The following ZP2 variants were observed in gnomAD, a reference collection of about 807,000 sequenced individuals.
ZP2 encodes zona pellucida glycoprotein 2, also known as zona pellucida sperm-binding protein 2.
ZP2 carries 51 observed loss-of-function variants against 84.0 expected under a neutral mutation model. The ratio of observed to expected loss-of-function variants is 0.61; its 90% CI spans 0.49 to 0.77. ZP2 has a LOEUF of 0.77. Among genes scored for constraint, ZP2 ranks in the 30% least tolerant of loss-of-function variants. The pLI is 0.00. For missense variants in ZP2, 909 were observed against 911.9 expected (o/e 1.00, Z 0.04); for synonymous variants, 375 against 330.9 (o/e 1.13, Z -1.45).
chr16:21,205,778 G>A lies in ZP2; in HGVS notation c.484-3C>T, dbSNP rs1055206280. On this transcript the variant is annotated splice_polypyrimidine_tract_variant and splice_region_variant and intron_variant, in intron 5 of 18. Transcript: ENST00000574091. ...GAGAAGACCCGTGGCAAGGAAAACT[G>A]GAAGAAAAGAATTGTGATGTAAGAC... is the stretch of plus-strand genomic sequence containing the variant. 1.7e-5 allele frequency: 27 copies of A among 1,613,758 alleles called. No individual in the cohort carries two copies. Among genetic ancestry groups the A allele is most frequent in the Non-Finnish European group, 2.3e-5 (27 of 1,179,894 alleles).
At chr16:21,214,301 G>C (rs79828148), upstream of ZP2, 3,299 of 985,236 alleles carry the variant, frequency 3.3e-3, 12 homozygotes, top group Non-Finnish European at 3.8e-3. Context: ...CCATGTCTAG[G>C]ATTCTGCTCC....
In ZP2 at chr16:21,204,214, A is replaced by G; in HGVS notation, c.791-3T>C. On this transcript the variant is annotated splice_polypyrimidine_tract_variant and splice_region_variant and intron_variant, in intron 8 of 18. Transcript: ENST00000574091. ...TGTGGCATTGCAGGTCACAGGATCT[A>G]GAAGGAATGACAACAGAATGCCCAT... 6 of 1,614,144 alleles carry G rather than the reference A, an allele frequency of 3.7e-6. No individual in the cohort carries two copies. The highest frequency in any genetic ancestry group is 1.6e-4 in the Middle Eastern group (1 of 6,062).
chr16:21,205,634 C>G, intron 6 of ZP2, 50 bp from the exon 7 acceptor site: 1 of 1,612,434 alleles, frequency 6.2e-7, no homozygotes, highest in Non-Finnish European at 8.5e-7. Flanking sequence ...TTAACCAAGT[C>G]TCTGGTAGTC....
At position 21,201,695 on chromosome 16, in the gene ZP2, C is replaced by T. The variant is rs1567212780; in HGVS notation, c.1504+11G>A. On this transcript the variant is annotated intron_variant, in intron 13 of 18. Coordinates refer to ENST00000574091, the MANE Select transcript of ZP2 (RefSeq NM_001376232.1). ...ATCATTTAAGCAATTTCACAGACTGCAATCTCTTACCTGGGTAGCTTTGCA... is the reference window on the plus strand; with the variant it reads ...ATCATTTAAGCAATTTCACAGACTGTAATCTCTTACCTGGGTAGCTTTGCA... 6.2e-7 allele frequency: 1 copy of T among 1,614,008 alleles called. No homozygotes were observed. The highest frequency in any genetic ancestry group is 1.7e-5 in the Admixed American group (1 of 60,014).
At position 21,201,590 on chromosome 16, in the gene ZP2, G is replaced by A. The variant is rs111288142; in HGVS notation, c.1505-32C>T. ...TTGAATGGTATTCAAGTAGTTAATG[G>A]CTGCAACACAGATTCATAGGTCATC... is the stretch of plus-strand genomic sequence containing the variant. On this transcript the variant is annotated intron_variant, in intron 13 of 18. Coordinates refer to ENST00000574091, the MANE Select transcript of ZP2 (RefSeq NM_001376232.1). 6.2e-6 allele frequency: 10 copies of A among 1,600,800 alleles called. No individual in the cohort carries two copies. In the Admixed American group the frequency reaches 1.2e-4, roughly 19 times the overall value.
At chr16:21,213,424 G>A (rs914031643), upstream of ZP2, among the ~76,000 whole-genome samples, 2 of 152,192 alleles carry the variant, frequency 1.3e-5, no homozygotes. Flanking sequence ...TGTTGCCTTT[G>A]AGGTGTAACC....
At position 21,211,469 on chromosome 16, in the gene ZP2, C is replaced by T; in HGVS notation, c.62+17G>A. 1 of 1,614,116 alleles carries T rather than the reference C, an allele frequency of 6.2e-7. No individual in the cohort carries two copies. The highest frequency in any genetic ancestry group is 8.5e-7 in the Non-Finnish European group (1 of 1,179,974). On this transcript the variant is annotated intron_variant, in intron 1 of 18. Transcript: ENST00000574091. Reference sequence around the variant, plus strand: ...AAAGCTACCATACCCCCTCCCTCCACTTCCAGAATTACTCACCTCCAGCCT... The same window carrying T: ...AAAGCTACCATACCCCCTCCCTCCATTTCCAGAATTACTCACCTCCAGCCT...
At chr16:21,206,617 C>T (rs562044816) in intron 5 of ZP2, among the ~76,000 whole-genome samples, 2 of 152,138 alleles carry the variant, frequency 1.3e-5, no homozygotes, top group South Asian at 4.2e-4. Context: ...ATGTATATAC[C>T]CTCAGTAAAT....
At chr16:21,209,943 T>C (rs2093266810) in intron 3 of ZP2, 166 bp downstream of exon 3, 1 of 704,560 alleles carries the variant, frequency 1.4e-6, no homozygotes, top group Non-Finnish European at 2.5e-6. Context: ...GACAGACAGG[T>C]CTTCCATGCT....
rs2093253534 is a variant in ZP2, at chr16:21,207,106, C to T, written c.331-116G>A. On this transcript the variant is annotated intron_variant, in intron 4 of 18. Coordinates refer to ENST00000574091, the MANE Select transcript of ZP2 (RefSeq NM_001376232.1). ...CTTAAAGTTACTAATACCACAAGTG[C>T]TGGAAGGTACCTCATTCCCGTACCA... 4.9e-6 allele frequency: 6 copies of T among 1,231,784 alleles called. No homozygotes were observed. In the South Asian group the frequency reaches 8.3e-5, roughly 17 times the overall value. The allele number at this position is 1,231,784 out of a possible 1,614,324, so 76.3% of individuals were successfully genotyped here. A position where few individuals can be genotyped will look rare whatever the true frequency, so the allele number is the denominator to read the frequency against.
At chr16:21,213,787 T>C (rs2093282818), upstream of ZP2, among the ~76,000 whole-genome samples, 1 of 152,200 alleles carries the variant, frequency 6.6e-6, no homozygotes, top group Non-Finnish European at 1.5e-5. Context: ...GATTTCATTT[T>C]ATAGCCAAAG....
At chr16:21,208,728 G>A (rs577971279) in intron 4 of ZP2, among the ~76,000 whole-genome samples, 1 of 152,292 alleles carries the variant, frequency 6.6e-6, no homozygotes, top group African/African-American at 2.4e-5. Context: ...CTATTTGCTA[G>A]CACCAAAATA....
At chr16:21,198,079 G>C in intron 17 of ZP2, 11 of 400,028 alleles carry the variant, frequency 2.7e-5, no homozygotes, top group East Asian at 4.7e-5. Context: ...TACTATACAA[G>C]AAATTCAAGA....
In ZP2 at chr16:21,201,915, T is replaced by C. The variant is rs761449879; in HGVS notation, c.1379+17A>G. ...TTTAAACTAGAGCTTAAGAGTCAAA[T>C]AGCAATTTTATCTCACCTGAACTCA... On this transcript the variant is annotated intron_variant, in intron 12 of 18. Transcript: ENST00000574091. 3.7e-6 allele frequency: 6 copies of C among 1,613,000 alleles called. No individual in the cohort carries two copies. Among genetic ancestry groups the C allele is most frequent in the Non-Finnish European group, 5.1e-6 (6 of 1,179,192 alleles).
upstream of ZP2, chr16:21,211,814 T>C: frequency 7.2e-7 from 1 of 1,392,732 alleles, no homozygotes; most frequent in Non-Finnish European, 9.4e-7. Flanking sequence ...GTGTTTTCCC[T>C]ATAACTATGG....
At chr16:21,199,706 C>T (rs748847353) in intron 15 of ZP2, 37 bp downstream of exon 15, 14 of 1,566,194 alleles carry the variant, frequency 8.9e-6, no homozygotes, top group Admixed American at 1.7e-5. Flanking sequence ...GATGCACTAA[C>T]ATTTAACCTG....
chr16:21,211,480 A>G lies in ZP2; in HGVS notation c.62+6T>C. On this transcript the variant is annotated splice_donor_region_variant and intron_variant, in intron 1 of 18. Transcript: ENST00000574091. Reference sequence around the variant, plus strand: ...ACCCCCTCCCTCCACTTCCAGAATTACTCACCTCCAGCCTGCATTGAACCA... The same window carrying G: ...ACCCCCTCCCTCCACTTCCAGAATTGCTCACCTCCAGCCTGCATTGAACCA... The G allele has an allele frequency of 1.2e-6, 2 of 1,613,822 alleles. No homozygotes were observed. Among genetic ancestry groups the G allele is most frequent in the South Asian group, 1.1e-5 (1 of 91,040 alleles).
chr16:21,206,868 T>G lies in ZP2; in HGVS notation c.453A>C (p.Ala151=). The change falls in exon 5 of 19, where the codon GCA becomes GCC. Residue 151 remains alanine, a synonymous_variant. Coordinates refer to ENST00000574091, the MANE Select transcript of ZP2 (RefSeq NM_001376232.1). ...TGAAATCCTTCTGGCAGATTGTAGA[T>G]GCTGAAAGCCCCTGGGTCTCTTCTA... The part of the protein sequence containing the change: ...MQVEETQGLS[A]STICQKDFMS... 6.2e-7 allele frequency: 1 copy of G among 1,614,194 alleles called. No homozygotes were observed. Among genetic ancestry groups the G allele is most frequent in the Non-Finnish European group, 8.5e-7 (1 of 1,180,020 alleles).
At position 21,201,418 on chromosome 16, in the gene ZP2, A is replaced by T; in HGVS notation, c.1645T>A (p.Ser549Thr). ...GGGAAAGAGTCTGGATCCATGGTGG[A>T]CGTCGCCCAGCAGTCATCTAAGACC... ...KLVLDDCWATSTMDPDSFPQW... is the reference protein window; with the variant it reads ...KLVLDDCWATTTMDPDSFPQW... The change falls in exon 14 of 19, where the codon TCC becomes ACC. Residue 549 changes from serine (S) to threonine (T), a missense_variant. Transcript: ENST00000574091. 1.2e-6 allele frequency: 2 copies of T among 1,606,990 alleles called. No homozygotes were observed. The highest frequency in any genetic ancestry group is 1.7e-6 in the Non-Finnish European group (2 of 1,176,052).
Sources: allele counts gnomAD v4.1 joint callset (sites outside exome capture counted in the v4.1 genomes callset), GRCh38; gene constraint gnomAD v4.1.1; transcripts MANE v1.5; gene names NCBI Gene and HGNC (gene_info 2026-07-23, HGNC 2026-07-21).